NPR3: variants seen among roughly 807,000 people sequenced by gnomAD.
NPR3 encodes the protein atrial natriuretic peptide receptor 3.
A neutral mutation model predicts 54.5 loss-of-function variants in NPR3; 34 were observed. The ratio of observed to expected loss-of-function variants is 0.62; its 90% CI spans 0.47 to 0.83. The LOEUF (loss-of-function observed/expected upper bound fraction) is 0.83, where lower values mean the gene tolerates loss of function less well. Ranked by LOEUF, NPR3 falls within the 40% of genes least tolerant of loss-of-function variation. The pLI is 0.00. For synonymous variants in NPR3, 289 were observed against 297.1 expected (o/e 0.97, Z 0.28); for missense variants, 674 against 720.8 (o/e 0.94, Z 0.74).
intron 4 of NPR3, among the ~76,000 whole-genome samples, chr5:32,776,682 A>C (rs965687349): frequency 3.9e-5 from 6 of 152,186 alleles, no homozygotes; most frequent in African/African-American, 1.4e-4. Context: ...ATGTTCATTG[A>C]GCACCTACTA....
intron 4 of NPR3, among the ~76,000 whole-genome samples, chr5:32,778,152 G>T (rs1395073147): frequency 6.6e-6 from 1 of 151,820 alleles, no homozygotes; most frequent in African/African-American, 2.4e-5. Flanking sequence ...CCATCTTGAT[G>T]TCTCTATTCT....
At chr5:32,726,517 G>C (rs528270526) in intron 2 of NPR3, among the ~76,000 whole-genome samples, 2 of 152,310 alleles carry the variant, frequency 1.3e-5, no homozygotes, top group South Asian at 4.1e-4. Flanking sequence ...CTGCAGGGTT[G>C]AGTTCATTGA....
chr5:32,692,170 G>T (rs1408266784), intron 1 of NPR3, among the ~76,000 whole-genome samples: 2 of 152,074 alleles, frequency 1.3e-5, no homozygotes, highest in Non-Finnish European at 2.9e-5. Flanking sequence ...TTTACTTGAG[G>T]TTAAAAAAGA....
At chr5:32,714,067 G>A (rs1487254116) in intron 1 of NPR3, among the ~76,000 whole-genome samples, 1 of 152,238 alleles carries the variant, frequency 6.6e-6, no homozygotes, top group Admixed American at 6.5e-5. Context: ...CCTCCACGGG[G>A]GTGTCTGCGC....
chr5:32,713,404 G>A, intron 1 of NPR3: 17 of 985,478 alleles, frequency 1.7e-5, no homozygotes, highest in Non-Finnish European at 2.0e-5. Context: ...GGGGGACGCG[G>A]ACGTGTAATC....
At chr5:32,759,803 G>T (rs1366306913) in intron 3 of NPR3, among the ~76,000 whole-genome samples, 2 of 152,106 alleles carry the variant, frequency 1.3e-5, no homozygotes, top group African/African-American at 4.8e-5. Context: ...CAGGCCTGGT[G>T]GTGACAAAAT....
intron 2 of NPR3, among the ~76,000 whole-genome samples, chr5:32,729,833 G>A (rs1432513444): frequency 6.6e-6 from 1 of 152,170 alleles, no homozygotes; most frequent in Non-Finnish European, 1.5e-5. Flanking sequence ...GGGCATGACT[G>A]TACATATTTT....
rs889147051 is a variant in NPR3, at chr5:32,759,030, G to T, written c.1060-15678G>T. On this transcript the variant is annotated intron_variant, in intron 3 of 7. Coordinates refer to ENST00000265074, the MANE Select transcript of NPR3 (RefSeq NM_001204375.2). Reference sequence around the variant, plus strand: ...AGGAATGCTTTACTTCCAACTATGTGGTCAATTTTGGAATAGGTGTGGTGT... The same window carrying T: ...AGGAATGCTTTACTTCCAACTATGTTGTCAATTTTGGAATAGGTGTGGTGT... Among the ~76,000 whole-genome samples, 4 of 152,112 alleles carry T rather than the reference G, an allele frequency of 2.6e-5. No homozygotes were observed. The East Asian group carries it at 7.7e-4, about 29-fold the overall frequency.
At chr5:32,703,162 C>T (rs1387194340) in intron 1 of NPR3, among the ~76,000 whole-genome samples, 1 of 152,048 alleles carries the variant, frequency 6.6e-6, no homozygotes, top group Non-Finnish European at 1.5e-5. Flanking sequence ...ACTCATGGCC[C>T]AAGCACTCTT....
chr5:32,709,802 C>T (rs1262703880), upstream of NPR3: 1 of 150,124 alleles, frequency 6.7e-6, no homozygotes, highest in Non-Finnish European at 1.5e-5. Context: ...TTTGCCTTTT[C>T]ACCGTCGCAA....
At chr5:32,757,577 T>C (rs1393119050) in intron 3 of NPR3, among the ~76,000 whole-genome samples, 1 of 152,212 alleles carries the variant, frequency 6.6e-6, no homozygotes, top group Non-Finnish European at 1.5e-5. Context: ...CTTTTCCTAA[T>C]TGAATACCCT....
chr5:32,749,422 C>T (rs879472331), intron 3 of NPR3, among the ~76,000 whole-genome samples: 1 of 152,060 alleles, frequency 6.6e-6, no homozygotes, highest in Non-Finnish European at 1.5e-5. Context: ...TTTTCCTAAA[C>T]TTTTGGTAAT....
intron 1 of NPR3, among the ~76,000 whole-genome samples, chr5:32,698,603 GA>G (rs1264810138): frequency 6.6e-6 from 1 of 152,050 alleles, no homozygotes; most frequent in Non-Finnish European, 1.5e-5. Flanking sequence ...ATTGTATTGG[GA>G]TCTATCTCTC....
chr5:32,708,059 C>T (rs1277065351), upstream of NPR3, among the ~76,000 whole-genome samples: 1 of 141,452 alleles, frequency 7.1e-6, no homozygotes, highest in Non-Finnish European at 1.5e-5. Flanking sequence ...TTAAGTAAAA[C>T]ATTTCTAAAC....
chr5:32,734,140 G>A (rs28678711), intron 2 of NPR3, among the ~76,000 whole-genome samples: 372 of 152,332 alleles, frequency 2.4e-3, no homozygotes, highest in African/African-American at 8.7e-3. Context: ...TTAACAATGG[G>A]TGTAATTGGA....
chr5:32,753,782 T>A (rs2111989192), intron 3 of NPR3, among the ~76,000 whole-genome samples: 1 of 152,304 alleles, frequency 6.6e-6, no homozygotes, highest in East Asian at 1.9e-4. Flanking sequence ...GATATTTTGC[T>A]GTCAGTCACA....
At chr5:32,746,105 TAGC>T (rs1171666166) in intron 3 of NPR3, among the ~76,000 whole-genome samples, 1 of 152,242 alleles carries the variant, frequency 6.6e-6, no homozygotes, top group Non-Finnish European at 1.5e-5. Flanking sequence ...GTTTATTTTG[TAGC>T]AGATCACATG....
chr5:32,764,724 G>A (rs1211247626), intron 3 of NPR3, among the ~76,000 whole-genome samples: 2 of 143,940 alleles, frequency 1.4e-5, no homozygotes, highest in East Asian at 4.2e-4. Context: ...GGAGGTGGAG[G>A]TTGCAGTGAG....
At position 32,774,797 on chromosome 5, in the gene NPR3, G is replaced by C; in HGVS notation, c.1149G>C (p.Lys383Asn). 6.2e-7 allele frequency: 1 copy of C among 1,609,856 alleles called. No homozygotes were observed. Among genetic ancestry groups the C allele is most frequent in the Non-Finnish European group, 8.5e-7 (1 of 1,176,126 alleles). The change falls in exon 4 of 8, where the codon AAG becomes AAC. Residue 383 changes from lysine (K) to asparagine (N), a missense_variant. By Grantham distance (94) the Lys-to-Asn change is moderately conservative. Coordinates refer to ENST00000265074, the MANE Select transcript of NPR3 (RefSeq NM_001204375.2). The stretch of plus-strand genomic sequence containing the variant: ...TACTCAGAGCTGGTTACAGCAAAAA[G>C]GATGGAGGGAAAATTATACAGCAGA... ...HEVLRAGYSK[K>N]DGGKIIQQTW...
Sources: gnomAD v4.1 joint callset for allele counts (sites outside exome capture counted in the v4.1 genomes callset) on GRCh38, gnomAD v4.1.1 for gene constraint, MANE v1.5 for transcripts, NCBI Gene and HGNC (gene_info 2026-07-23, HGNC 2026-07-21) for gene names.